ZAN: variants seen among roughly 807,000 people sequenced by gnomAD.
ZAN encodes zonadhesin (gene/pseudogene).
A neutral mutation model predicts 286.2 loss-of-function variants in ZAN; 260 were observed. That is an observed-to-expected ratio of 0.91 (90% CI 0.82 to 1.01). ZAN has a LOEUF of 1.01. ZAN is among the 50% of genes least tolerant of loss of function. The pLI, the probability that ZAN is intolerant of heterozygous loss-of-function variation, is 0.00. For missense variants in ZAN, 3,410 were observed against 3,639.2 expected (o/e 0.94, Z 1.62); for synonymous variants, 1,368 against 1,417.5 (o/e 0.97, Z 0.79).
intron 15 of ZAN, among the ~76,000 whole-genome samples, chr7:100,757,645 C>T (rs1183522784): frequency 6.6e-6 from 1 of 151,470 alleles, no homozygotes; most frequent in Admixed American, 6.6e-5. Context: ...ATCCCAGCTA[C>T]TCTGGAGGCT....
intron 11 of ZAN, among the ~76,000 whole-genome samples, chr7:100,748,794 C>T (rs966475225): frequency 6.6e-6 from 1 of 151,904 alleles, no homozygotes; most frequent in South Asian, 2.1e-4. Context: ...TTTGAGAGGC[C>T]GAGACGGGAA....
At position 100,792,004 on chromosome 7, in the gene ZAN, TGGGCCTCCGCAC is replaced by T. The variant is rs769726951; in HGVS notation, c.7577_7588del (p.Arg2526_Leu2529del). The T allele has an allele frequency of 1.9e-6, 3 of 1,613,308 alleles. No individual in the cohort carries two copies. The highest frequency in any genetic ancestry group is 1.7e-5 in the Admixed American group (1 of 59,966). ...GAGGAGGAGGGACAAGGGGCGGAGC[TGGGCCTCCGCAC>T]GGGCCTCCAAGTGTCCGAATGTAGC... is the stretch of plus-strand genomic sequence containing the variant. On this transcript the variant is annotated inframe_deletion, in exon 41 of 48. Transcript: ENST00000613979.
intron 29 of ZAN, among the ~76,000 whole-genome samples, chr7:100,772,520 G>A (rs1810441308): frequency 2.0e-5 from 3 of 152,038 alleles, no homozygotes; most frequent in African/African-American, 7.2e-5. Context: ...TGCTGTTGAA[G>A]TGTACATTTA....
At chr7:100,748,556 G>A (rs150853244) in intron 11 of ZAN, 86 bp downstream of exon 11, 24 of 1,509,280 alleles carry the variant, frequency 1.6e-5, no homozygotes, top group South Asian at 1.2e-4. Context: ...GATGGGAGAC[G>A]TTGTTTCAGG....
intron 18 of ZAN, 51 bp downstream of exon 18, chr7:100,759,896 T>C (rs369399809): frequency 1.3e-6 from 2 of 1,580,800 alleles, no homozygotes; most frequent in East Asian, 2.3e-5. Context: ...CTGTGTGTCC[T>C]GGCCAACCCT....
At chr7:100,784,589 C>T (rs778101497) in intron 35 of ZAN, 34 bp from the exon 36 acceptor site, 5 of 1,608,694 alleles carry the variant, frequency 3.1e-6, no homozygotes, top group Non-Finnish European at 3.4e-6. Flanking sequence ...CCCTGTGACC[C>T]TCTCCACTGA....
chr7:100,758,442 T>A, intron 16 of ZAN, 89 bp from the exon 17 acceptor site: 1 of 1,574,710 alleles, frequency 6.4e-7, no homozygotes. Context: ...ATTGGGGGCC[T>A]GCCACCGGGC....
At chr7:100,772,650 T>A (rs1810451975) in intron 29 of ZAN, among the ~76,000 whole-genome samples, 1 of 151,374 alleles carries the variant, frequency 6.6e-6, no homozygotes, top group South Asian at 2.1e-4. Context: ...AGAAACCCCG[T>A]CTCTACCAAA....
rs1210578946 is a variant in ZAN, at chr7:100,769,893, G to T, written c.5167G>T (p.Gly1723Cys). 9.0e-6 allele frequency: 14 copies of T among 1,558,194 alleles called. No homozygotes were observed. The highest frequency in any genetic ancestry group is 1.0e-5 in the Non-Finnish European group (12 of 1,150,502). The change falls in exon 28 of 48, where the codon GGT becomes TGT. Residue 1723 changes from glycine to cysteine, a missense_variant. Around this residue, in one of 7 missense-constraint regions of ZAN, gnomAD observed 1,042 missense variants for 1,058.0 expected, o/e 0.98. Coordinates refer to ENST00000613979, the MANE Select transcript of ZAN (RefSeq NM_003386.3). ...ESSEPGCFLV[G>C]GKPSSCQENS... is the part of the protein sequence containing the mutation. The stretch of plus-strand genomic sequence containing the variant: ...TCTCTCATTTAGCTGTTTCCTTGTG[G>T]GTGGCAAGCCCTCCAGCTGCCAGGA...
rs146942482 is a variant in ZAN, at chr7:100,789,238, C to G, written c.7248C>G (p.Ala2416=). 2.4e-4 allele frequency: 384 copies of G among 1,613,612 alleles called. 1 individual carries two copies. In the African/African-American group the frequency reaches 4.8e-3, roughly 20 times the overall value. The change falls in exon 39 of 48, where the codon GCC becomes GCG. Residue 2416 remains alanine, a synonymous_variant. Coordinates refer to ENST00000613979, the MANE Select transcript of ZAN (RefSeq NM_003386.3). ...LELVVNNQKM[A]VPYRPNEHLR... is the part of the protein sequence containing the mutation. ...TTTAGGTCAACAACCAGAAGATGGC[C>G]GTCCCCTACAGGCCAAATGAACACC...
chr7:100,790,831 C>G (rs2116320423), intron 39 of ZAN, 111 bp from the exon 40 acceptor site: 1 of 1,245,552 alleles, frequency 8.0e-7, no homozygotes, highest in East Asian at 2.6e-5. Flanking sequence ...TGCAGTGAGC[C>G]AAGATCACAC....
rs1352150033 is a variant in ZAN at position 100,794,138 on chromosome 7, A to C, written c.8005A>C (p.Thr2669Pro). Residue 2669 changes from threonine (T) to proline (P), a missense_variant, in exon 44 of 48, where the codon ACT becomes CCT. By Grantham distance (38) the Thr-to-Pro change is conservative. This residue lies in a region of ZAN where 1,289 missense variants were observed against 1,314.3 expected (regional missense o/e 0.98). Transcript: ENST00000613979. ...IYYQLGSSFL[T>P]EDCSQRCTCA... is the part of the protein sequence containing the mutation. Reference sequence around the variant, plus strand: ...TTTCTAGCTGGGCAGCAGCTTTCTGACTGAGGACTGCTCTCAGCGGTGCAC... The same window carrying C: ...TTTCTAGCTGGGCAGCAGCTTTCTGCCTGAGGACTGCTCTCAGCGGTGCAC... The C allele has an allele frequency of 1.1e-5, 18 of 1,613,834 alleles. No individual in the cohort carries two copies. Among genetic ancestry groups the C allele is most frequent in the Non-Finnish European group, 1.4e-5 (17 of 1,179,866 alleles).
chr7:100,763,973 C>G lies in ZAN; in HGVS notation c.4098-54C>G. The stretch of plus-strand genomic sequence containing the variant: ...GGCGATGCTTGGCACCTGGGCTCCT[C>G]CAAGGCTCTACCCCCTTCCACTGCA... On this transcript the variant is annotated intron_variant, in intron 21 of 47. Coordinates refer to ENST00000613979, the MANE Select transcript of ZAN (RefSeq NM_003386.3). The surrounding 1 kb of genome is among the most constrained non-coding windows in gnomAD (Gnocchi z 4.6). The G allele has an allele frequency of 6.2e-7, 1 of 1,613,778 alleles. No homozygotes were observed. Among genetic ancestry groups the G allele is most frequent in the Non-Finnish European group, 8.5e-7 (1 of 1,179,772 alleles).
chr7:100,767,765 C>T lies in ZAN; in HGVS notation c.4861-66C>T, dbSNP rs954464159. 2.6e-6 allele frequency: 4 copies of T among 1,530,354 alleles called. No homozygotes were observed. The Admixed American group carries it at 5.9e-5, about 23-fold the overall frequency. 94.8% of individuals were successfully genotyped at this position (1,530,354 alleles called of 1,614,324 possible). A position where few individuals can be genotyped will look rare whatever the true frequency, so the allele number is the denominator to read the frequency against. Reference sequence around the variant, plus strand: ...AGTGCTGGGTTTGCAGGCATGAGCCCCCGTCCTTGCCTTTATCCCGAGTTC... The same window carrying T: ...AGTGCTGGGTTTGCAGGCATGAGCCTCCGTCCTTGCCTTTATCCCGAGTTC... On this transcript the variant is annotated intron_variant, in intron 25 of 47. Transcript: ENST00000613979.
intron 11 of ZAN, among the ~76,000 whole-genome samples, chr7:100,749,654 AT>A (rs1562921349): frequency 0.12 from 9,894 of 80,250 alleles, 681 homozygotes; most frequent in African/African-American, 0.17. Context: ...AAAAAAAAAT[AT>A]ATATATATAT....
At chr7:100,747,740 C>T in intron 9 of ZAN, 99 bp downstream of exon 9, 1 of 1,224,236 alleles carries the variant, frequency 8.2e-7, no homozygotes, top group Non-Finnish European at 1.2e-6. Context: ...CCTGTATTCC[C>T]AATACTTTGG....
chr7:100,771,857 A>G lies in ZAN; in HGVS notation c.5262A>G (p.Gln1754=), dbSNP rs1484137995. 1.9e-6 allele frequency: 3 copies of G among 1,611,640 alleles called. No homozygotes were observed. Among genetic ancestry groups the G allele is most frequent in the South Asian group, 1.1e-5 (1 of 91,014 alleles). The change falls in exon 29 of 48, where the codon CAA becomes CAG. Residue 1754 remains glutamine (Q), a synonymous_variant. Transcript: ENST00000613979. ...CTCTTCCTGCAGGACCCTTCTCTCA[A>G]TGTCACCAGGTGGTGCCTCCCCAGT... is the stretch of plus-strand genomic sequence containing the variant. ...ILINPQGPFS[Q]CHQVVPPQSS...
chr7:100,775,845 A>AT lies in ZAN; in HGVS notation c.6192+13dup, dbSNP rs749401984. On this transcript the variant is annotated intron_variant, in intron 33 of 47. Transcript: ENST00000613979. ...CCTACTATGGAAAGGTGAGGAAAAC[A>AT]TCTGGCTCTTCTCGCTGGGGAGGCA... is the stretch of plus-strand genomic sequence containing the variant. 112 of 1,612,768 alleles carry AT rather than the reference A, an allele frequency of 6.9e-5. No individual in the cohort carries two copies. The highest frequency in any genetic ancestry group is 9.4e-5 in the Non-Finnish European group (111 of 1,179,376).
intron 45 of ZAN, among the ~76,000 whole-genome samples, chr7:100,796,978 A>G (rs556988888): frequency 1.3e-5 from 2 of 152,270 alleles, no homozygotes; most frequent in East Asian, 3.9e-4. Flanking sequence ...TCTACAAAAA[A>G]TCACGAAAAT....
Sources: allele counts gnomAD v4.1 joint callset (sites outside exome capture counted in the v4.1 genomes callset), GRCh38; gene constraint gnomAD v4.1.1; regional missense constraint gnomAD v4.1.1; non-coding constraint Gnocchi (gnomAD v3.1); transcripts MANE v1.5; gene names NCBI Gene and HGNC (gene_info 2026-07-23, HGNC 2026-07-21).